The following CCDC91 variants were observed in gnomAD, a reference collection of about 807,000 sequenced individuals.
CCDC91 encodes coiled-coil domain-containing protein 91.
A neutral mutation model predicts 63.2 loss-of-function variants in CCDC91; 48 were observed. That is an observed-to-expected ratio of 0.76 (90% confidence interval 0.60 to 0.97). CCDC91 has a LOEUF of 0.97. Ranked by LOEUF, CCDC91 falls within the 50% of genes least tolerant of loss-of-function variation. CCDC91 has a pLI of 0.00. For synonymous variants in CCDC91, 167 were observed against 165.8 expected (o/e 1.01, Z -0.06); for missense variants, 500 against 494.6 (o/e 1.01, Z -0.10).
At chr12:28,362,819 G>T (rs11049554) in intron 7 of CCDC91, among the ~76,000 whole-genome samples, 30,716 of 152,014 alleles carry the variant, frequency 0.2, 4,071 homozygotes, top group Non-Finnish European at 0.3. Flanking sequence ...TGTCTCTGCT[G>T]TGGTTCCTCT....
chr12:28,360,702 C>A (rs926701358), intron 6 of CCDC91, among the ~76,000 whole-genome samples: 3 of 152,062 alleles, frequency 2.0e-5, no homozygotes, highest in African/African-American at 7.2e-5. Flanking sequence ...ATTTTCTTTT[C>A]TTCTAAACAA....
chr12:28,273,932 G>T (rs1285598627), intron 3 of CCDC91, among the ~76,000 whole-genome samples: 27 of 152,058 alleles, frequency 1.8e-4, no homozygotes, highest in South Asian at 4.1e-4. Context: ...ATGTCCTGAA[G>T]GGTATTGCCT....
chr12:28,468,544 A>AGTTTGAGAAGG (rs1566020749), intron 11 of CCDC91, among the ~76,000 whole-genome samples: 1 of 152,046 alleles, frequency 6.6e-6, no homozygotes, highest in Non-Finnish European at 1.5e-5. Flanking sequence ...ATCCTTCTCA[A>AGTTTGAGAAGG]ACTATTCCAA....
At chr12:28,476,530 A>G (rs186796358) in intron 11 of CCDC91, among the ~76,000 whole-genome samples, 2 of 152,292 alleles carry the variant, frequency 1.3e-5, no homozygotes, top group African/African-American at 4.8e-5. Context: ...AAGATCTAAA[A>G]TTGACACCCT....
intron 3 of CCDC91, among the ~76,000 whole-genome samples, chr12:28,282,075 A>C (rs894866620): frequency 1.3e-5 from 2 of 152,202 alleles, no homozygotes; most frequent in African/African-American, 4.8e-5. Flanking sequence ...AAAGACAAAA[A>C]GGATAACTAA....
At chr12:28,219,786 T>A (rs1263880307) in intron 1 of CCDC91, among the ~76,000 whole-genome samples, 1 of 152,152 alleles carries the variant, frequency 6.6e-6, no homozygotes, top group Non-Finnish European at 1.5e-5. Context: ...ATTGTAACCA[T>A]TTTTAAGTGT....
chr12:28,283,242 T>C (rs1016288203), intron 3 of CCDC91, among the ~76,000 whole-genome samples: 60 of 151,502 alleles, frequency 4.0e-4, no homozygotes, highest in African/African-American at 1.4e-3. Flanking sequence ...TTTAGTTCTG[T>C]GAAAAATGAT....
intron 7 of CCDC91, among the ~76,000 whole-genome samples, chr12:28,376,681 G>A (rs553180949): frequency 8.6e-5 from 13 of 151,800 alleles, no homozygotes; most frequent in African/African-American, 3.1e-4. Context: ...TAAAGAGAAA[G>A]TATCTTTTTG....
intron 1 of CCDC91, among the ~76,000 whole-genome samples, chr12:28,242,375 G>C (rs1229841968): frequency 6.6e-6 from 1 of 152,216 alleles, no homozygotes; most frequent in African/African-American, 2.4e-5. Flanking sequence ...CTATTCTGTA[G>C]GAGAGCCCTG....
At chr12:28,278,549 G>T (rs955491014) in intron 3 of CCDC91, among the ~76,000 whole-genome samples, 1 of 152,000 alleles carries the variant, frequency 6.6e-6, no homozygotes, top group African/African-American at 2.4e-5. Flanking sequence ...GTTCATCTAG[G>T]AGCATAAGCC....
chr12:28,237,735 T>C (rs1311352555), intron 1 of CCDC91, among the ~76,000 whole-genome samples: 1 of 152,192 alleles, frequency 6.6e-6, no homozygotes, highest in African/African-American at 2.4e-5. Flanking sequence ...GCCACCAAGT[T>C]TTGGTAATTT....
At chr12:28,424,455 C>T (rs1484151428) in intron 8 of CCDC91, among the ~76,000 whole-genome samples, 1 of 152,096 alleles carries the variant, frequency 6.6e-6, no homozygotes, top group Non-Finnish European at 1.5e-5. Flanking sequence ...ATCCCCATTT[C>T]CCCCTAAATA....
At chr12:28,283,920 T>G (rs1192360248) in intron 3 of CCDC91, among the ~76,000 whole-genome samples, 1 of 152,178 alleles carries the variant, frequency 6.6e-6, no homozygotes, top group East Asian at 1.9e-4. Context: ...CAATCTGTGT[T>G]AGTAATGAAT....
intron 3 of CCDC91, among the ~76,000 whole-genome samples, chr12:28,260,143 C>T (rs1946731765): frequency 6.6e-6 from 1 of 151,946 alleles, no homozygotes; most frequent in Non-Finnish European, 1.5e-5. Context: ...TCCTTTACTT[C>T]AAGGGTAGAT....
intron 6 of CCDC91, among the ~76,000 whole-genome samples, chr12:28,344,944 T>G (rs2138088944): frequency 6.6e-6 from 1 of 152,280 alleles, no homozygotes; most frequent in East Asian, 1.9e-4. Flanking sequence ...TCAGCCTTTG[T>G]TCCTCAGCTT....
chr12:28,459,269 A>G (rs912053915), intron 11 of CCDC91, among the ~76,000 whole-genome samples: 22 of 152,152 alleles, frequency 1.4e-4, no homozygotes, highest in Admixed American at 2.0e-4. Context: ...CATTCAGTAT[A>G]TAACTGTACC....
chr12:28,549,387 A>G lies in CCDC91; in HGVS notation c.*214A>G, dbSNP rs141287553. 1.1e-4 allele frequency: 41 copies of G among 374,720 alleles called. No homozygotes were observed. Among genetic ancestry groups the G allele is most frequent in the African/African-American group, 7.8e-4 (37 of 47,612 alleles). The allele number at this position is 374,720 out of a possible 1,614,324, so 23.2% of individuals were successfully genotyped here. On this transcript the variant is annotated 3_prime_UTR_variant, in exon 13 of 13. Coordinates refer to ENST00000536442, the MANE Select transcript of CCDC91 (RefSeq NM_018318.5). Reference sequence around the variant, plus strand: ...TTACATTTACTGTTATTTTATTATTATTAGTAGTAGCAGCAACAGAGTATG... The same window carrying G: ...TTACATTTACTGTTATTTTATTATTGTTAGTAGTAGCAGCAACAGAGTATG...
At chr12:28,378,451 T>G (rs929911795) in intron 7 of CCDC91, among the ~76,000 whole-genome samples, 1 of 152,038 alleles carries the variant, frequency 6.6e-6, no homozygotes, top group Admixed American at 6.6e-5. Context: ...TTTCCCAGGG[T>G]GTAGAGTTAC....
chr12:28,360,814 T>C (rs1943829661), intron 6 of CCDC91, among the ~76,000 whole-genome samples: 1 of 152,182 alleles, frequency 6.6e-6, no homozygotes, highest in Non-Finnish European at 1.5e-5. Context: ...AAGATATCTG[T>C]TAATTTTTTC....
Sources: gnomAD v4.1 joint callset for allele counts (sites outside exome capture counted in the v4.1 genomes callset) on GRCh38, gnomAD v4.1.1 for gene constraint, MANE v1.5 for transcripts, NCBI Gene and HGNC (gene_info 2026-07-23, HGNC 2026-07-21) for gene names.